The following WWOX variants were observed in gnomAD, a reference collection of about 807,000 sequenced individuals.
WWOX encodes the protein WW domain-containing oxidoreductase.
In WWOX, 69 loss-of-function variants were observed where a neutral mutation model predicts 46.2. The observed-to-expected ratio is 1.49, with a 90% CI of 1.23 to 1.82. WWOX has a LOEUF of 1.82. Ranked by LOEUF, WWOX falls within the 40% of genes most tolerant of loss-of-function variation. The pLI is 0.00. For synonymous variants in WWOX, 359 were observed against 202.6 expected, an observed-to-expected ratio of 1.77 and a Z score of -6.56; for missense variants, 919 against 542.6, an observed-to-expected ratio of 1.69 and a Z score of -6.89.
intron 5 of WWOX, among the ~76,000 whole-genome samples, chr16:78,352,116 A>C (rs923972158): frequency 4.6e-5 from 7 of 152,156 alleles, no homozygotes; most frequent in Non-Finnish European, 5.9e-5. Context: ...GAACAGCTGC[A>C]CCTCGGCCTA....
chr16:78,650,616 G>A (rs571489955), intron 8 of WWOX, among the ~76,000 whole-genome samples: 23 of 152,332 alleles, frequency 1.5e-4, no homozygotes, highest in African/African-American at 5.5e-4. Flanking sequence ...ATTAGCATAT[G>A]TTGTCATAGT....
intron 6 of WWOX, among the ~76,000 whole-genome samples, chr16:78,405,513 A>G (rs2082506788): frequency 6.6e-6 from 1 of 152,128 alleles, no homozygotes; most frequent in Admixed American, 6.5e-5. Context: ...TTCTCATTTT[A>G]TTTGCTCTTT....
chr16:79,173,868 G>A (rs550934673), intron 8 of WWOX, among the ~76,000 whole-genome samples: 19 of 152,212 alleles, frequency 1.2e-4, no homozygotes, highest in African/African-American at 4.3e-4. Flanking sequence ...GATGGATGGG[G>A]GAGAGGACGG....
chr16:78,770,876 C>G lies in WWOX; in HGVS notation c.1056+338124C>G, dbSNP rs71398107. 3.2e-3 allele frequency among the ~76,000 whole-genome samples: 488 copies of G among 152,332 alleles called. 2 individuals are homozygous for G. The highest frequency in any genetic ancestry group is 0.014 in the Middle Eastern group (4 of 294). On this transcript the variant is annotated intron_variant, in intron 8 of 8. Transcript: ENST00000566780. ...CATCTGTGGACGGTTGGCACCGATG[C>G]TAATCAGTGCTATGGGAAAATAGGC...
At chr16:78,690,675 T>G (rs917200219) in intron 8 of WWOX, among the ~76,000 whole-genome samples, 8 of 139,804 alleles carry the variant, frequency 5.7e-5, no homozygotes, top group Non-Finnish European at 1.3e-4. Context: ...AACCTGGTTC[T>G]TTGTCTTGTC....
At chr16:78,865,417 G>A (rs1002157072) in intron 8 of WWOX, among the ~76,000 whole-genome samples, 5 of 152,176 alleles carry the variant, frequency 3.3e-5, no homozygotes, top group Admixed American at 3.3e-4. Flanking sequence ...ACACTCCAGT[G>A]GACTTTGATT....
chr16:78,385,431 G>C (rs76254008), intron 5 of WWOX, among the ~76,000 whole-genome samples: 2,040 of 152,216 alleles, frequency 0.013, 46 homozygotes, highest in African/African-American at 0.046. Context: ...AACATGTATC[G>C]TTACAAACCT....
At chr16:78,726,764 C>G (rs1043364155) in intron 8 of WWOX, among the ~76,000 whole-genome samples, 3 of 151,462 alleles carry the variant, frequency 2.0e-5, no homozygotes, top group Non-Finnish European at 2.9e-5. Flanking sequence ...TTGAATTTCC[C>G]TCTGTGGTGA....
chr16:78,840,083 T>C (rs2052097326), intron 8 of WWOX, among the ~76,000 whole-genome samples: 1 of 152,236 alleles, frequency 6.6e-6, no homozygotes, highest in Non-Finnish European at 1.5e-5. Flanking sequence ...CATGAGAACA[T>C]GCTTTGCACA....
At chr16:78,962,547 G>C (rs1456818910) in intron 8 of WWOX, among the ~76,000 whole-genome samples, 1 of 152,012 alleles carries the variant, frequency 6.6e-6, no homozygotes, top group African/African-American at 2.4e-5. Flanking sequence ...TCTCTGAAAT[G>C]GTTTTCCAAG....
chr16:78,302,645 A>C (rs1029634201), intron 5 of WWOX, among the ~76,000 whole-genome samples: 15 of 152,292 alleles, frequency 9.8e-5, no homozygotes, highest in African/African-American at 3.6e-4. Flanking sequence ...GCCAGTGCTG[A>C]GTAGAGGGCA....
chr16:78,785,969 C>T lies in WWOX; in HGVS notation c.1056+353217C>T, dbSNP rs199520455. ...TCGCCCAGGCTGGAGTGCAGTGGCG[C>T]GATCTCTGCTCACCGCAACCTCCGC... On this transcript the variant is annotated intron_variant, in intron 8 of 8. Transcript: ENST00000566780. Among the ~76,000 whole-genome samples the T allele has an allele frequency of 7.4e-4, 113 of 152,244 alleles. 1 individual carries two copies. The highest frequency in any genetic ancestry group is 1.5e-3 in the South Asian group (7 of 4,826).
rs550289599 is a variant in WWOX at position 78,260,249 on chromosome 16, A to T, written c.516+95960A>T. ...AAACTACAGCAGTGTTACTGGGAAG[A>T]GGGGCCTGATTGTTAAAAGAGAAAC... is the stretch of plus-strand genomic sequence containing the variant. On this transcript the variant is annotated intron_variant, in intron 5 of 8. Transcript: ENST00000566780. 7.2e-5 allele frequency among the ~76,000 whole-genome samples: 11 copies of T among 151,728 alleles called. 2 individuals carry two copies. The South Asian group carries it at 2.3e-3, about 32-fold the overall frequency.
intron 8 of WWOX, chr16:78,551,563 C>T (rs1371453892): frequency 6.6e-6 from 1 of 152,198 alleles, no homozygotes; most frequent in South Asian, 2.1e-4. Flanking sequence ...CTAAAGGATT[C>T]TGTCTGGTAG....
intron 8 of WWOX, among the ~76,000 whole-genome samples, chr16:78,915,964 C>T (rs557900162): frequency 6.6e-6 from 1 of 152,226 alleles, no homozygotes; most frequent in African/African-American, 2.4e-5. Context: ...AAATGAAGGC[C>T]AATAGATGAT....
chr16:78,887,077 G>T (rs2044475591), intron 8 of WWOX, among the ~76,000 whole-genome samples: 6 of 61,312 alleles, frequency 9.8e-5, no homozygotes, highest in Admixed American at 5.9e-4. Flanking sequence ...GTGTGTGTGT[G>T]GTGTGTGTGT....
At chr16:78,565,108 A>T (rs570431404) in intron 8 of WWOX, among the ~76,000 whole-genome samples, 1 of 152,256 alleles carries the variant, frequency 6.6e-6, no homozygotes, top group African/African-American at 2.4e-5. Context: ...TCATTCATTC[A>T]TCAGAGCAGC....
rs140432655 is a variant in WWOX at position 78,230,100 on chromosome 16, G to A, written c.516+65811G>A. Among the ~76,000 whole-genome samples the A allele has an allele frequency of 1.7e-3, 259 of 152,156 alleles. 4 individuals carry two copies. The highest frequency in any genetic ancestry group is 5.9e-3 in the African/African-American group (244 of 41,502). On this transcript the variant is annotated intron_variant, in intron 5 of 8. Coordinates refer to ENST00000566780, the MANE Select transcript of WWOX (RefSeq NM_016373.4). ...TTACCATGTTGCCTAGGCTGGTCTCGATCTCCTGGGCTCTAGCAATCCTCC... is the reference window on the plus strand; with the variant it reads ...TTACCATGTTGCCTAGGCTGGTCTCAATCTCCTGGGCTCTAGCAATCCTCC...
At chr16:78,103,541 T>G (rs369473874) in intron 1 of WWOX, among the ~76,000 whole-genome samples, 3 of 152,214 alleles carry the variant, frequency 2.0e-5, no homozygotes, top group African/African-American at 7.2e-5. Flanking sequence ...GGGTGTTAGC[T>G]TAGGATGCCT....
Sources: allele counts gnomAD v4.1 joint callset (sites outside exome capture counted in the v4.1 genomes callset), GRCh38; gene constraint gnomAD v4.1.1; transcripts MANE v1.5; gene names NCBI Gene and HGNC (gene_info 2026-07-23, HGNC 2026-07-21).